The following KIAA1217 variants were observed in gnomAD, a reference collection of about 807,000 sequenced individuals.
KIAA1217 encodes the protein sickle tail protein homolog.
KIAA1217 carries 88 observed loss-of-function variants against 163.9 expected under a neutral mutation model. That is an observed-to-expected ratio of 0.54 (90% CI 0.45 to 0.64). The LOEUF (loss-of-function observed/expected upper bound fraction) is 0.64. KIAA1217 is among the 30% of genes least tolerant of loss of function. The pLI is 0.00. For synonymous variants in KIAA1217, 903 were observed against 923.1 expected, an observed-to-expected ratio of 0.98 and a Z score of 0.39; for missense variants, 2,372 against 2,475.0, an observed-to-expected ratio of 0.96 and a Z score of 0.88.
chr10:23,884,748 G>C (rs903942902), intron 1 of KIAA1217, among the ~76,000 whole-genome samples: 1 of 151,946 alleles, frequency 6.6e-6, no homozygotes. Flanking sequence ...ACACGTGGTA[G>C]AATTAGAGGA....
chr10:24,499,734 A>T (rs1170266379), intron 8 of KIAA1217, among the ~76,000 whole-genome samples: 1 of 151,966 alleles, frequency 6.6e-6, no homozygotes, highest in African/African-American at 2.4e-5. Flanking sequence ...ACTCTGTCTC[A>T]AAAAAAAGAA....
chr10:23,868,486 T>G (rs576038049), intron 1 of KIAA1217, among the ~76,000 whole-genome samples: 97 of 151,324 alleles, frequency 6.4e-4, no homozygotes, highest in African/African-American at 2.3e-3. Context: ...TATGGAGATG[T>G]TTTTTTTTGT....
intron 2 of KIAA1217, among the ~76,000 whole-genome samples, chr10:24,039,807 GATAT>G (rs1193759130): frequency 4.4e-5 from 2 of 45,830 alleles, no homozygotes; most frequent in Non-Finnish European, 1.7e-4. Flanking sequence ...GATAGATATA[GATAT>G]AGATATAGAT....
intron 2 of KIAA1217, among the ~76,000 whole-genome samples, chr10:24,113,684 G>A (rs1490143950): frequency 5.3e-5 from 8 of 152,166 alleles, no homozygotes. Context: ...CCGGGAAGAC[G>A]AGGACCAGGA....
At chr10:24,310,296 A>G (rs1053496204) in intron 2 of KIAA1217, among the ~76,000 whole-genome samples, 2 of 152,212 alleles carry the variant, frequency 1.3e-5, no homozygotes, top group Non-Finnish European at 2.9e-5. Flanking sequence ...TCATCTTCAC[A>G]ACAACTCGAT....
intron 2 of KIAA1217, among the ~76,000 whole-genome samples, chr10:24,132,078 G>T (rs1449331645): frequency 1.3e-5 from 2 of 152,096 alleles, no homozygotes; most frequent in East Asian, 3.9e-4. Context: ...TTGCTATTTT[G>T]AGGGCCCCCA....
intron 2 of KIAA1217, among the ~76,000 whole-genome samples, chr10:24,250,829 C>T (rs548118933): frequency 1.3e-5 from 2 of 150,648 alleles, no homozygotes; most frequent in East Asian, 4.0e-4. Flanking sequence ...GTGGCTCACA[C>T]CTGTAATCCC....
intron 1 of KIAA1217, among the ~76,000 whole-genome samples, chr10:23,999,910 A>T (rs1846662987): frequency 6.6e-6 from 1 of 152,070 alleles, no homozygotes; most frequent in South Asian, 2.1e-4. Flanking sequence ...AAATTAAAAA[A>T]AATAATAATA....
chr10:24,010,302 C>A (rs1354356932), intron 2 of KIAA1217, among the ~76,000 whole-genome samples: 1 of 151,994 alleles, frequency 6.6e-6, no homozygotes, highest in African/African-American at 2.4e-5. Flanking sequence ...AACTGCATCA[C>A]AGAAATGCCA....
intron 2 of KIAA1217, among the ~76,000 whole-genome samples, chr10:24,150,583 G>A (rs1589686023): frequency 6.6e-6 from 1 of 152,174 alleles, no homozygotes; most frequent in South Asian, 2.1e-4. Context: ...CTGATAGAGT[G>A]TAAGTATTAG....
At chr10:23,828,855 A>G (rs2131033391) in intron 1 of KIAA1217, among the ~76,000 whole-genome samples, 1 of 152,296 alleles carries the variant, frequency 6.6e-6, no homozygotes, top group South Asian at 2.1e-4. Flanking sequence ...GCTTTTTCTT[A>G]AACTGGTGGA....
Position 23,905,164 on chromosome 10 carries a change from TAA to T in KIAA1217, c.-320-102059_-320-102058del, listed in dbSNP as rs1842106896. 2.9e-5 allele frequency among the ~76,000 whole-genome samples: 3 copies of T among 103,788 alleles called. No individual in the cohort carries two copies. In the South Asian group the frequency reaches 1.2e-3, roughly 41 times the overall value. The allele number at this position is 103,788 out of a possible 152,430, so 68.1% of individuals were successfully genotyped here. Reference sequence around the variant, plus strand: ...CAGTATGTAGCCTGTCATCTGAAACTAAAGTCACAGAAGGGGCTGCTTTTTTT... The same window carrying T: ...CAGTATGTAGCCTGTCATCTGAAACTAGTCACAGAAGGGGCTGCTTTTTTT... On this transcript the variant is annotated intron_variant, in intron 1 of 18. Transcript: ENST00000376462.
intron 1 of KIAA1217, among the ~76,000 whole-genome samples, chr10:23,924,751 T>C (rs1030313863): frequency 1.2e-4 from 19 of 152,186 alleles, no homozygotes; most frequent in Admixed American, 7.9e-4. Flanking sequence ...ATGATTCAAT[T>C]GCACCTCAGT....
chr10:23,851,654 C>G (rs1208275631), intron 1 of KIAA1217, among the ~76,000 whole-genome samples: 1 of 152,184 alleles, frequency 6.6e-6, no homozygotes, highest in Non-Finnish European at 1.5e-5. Context: ...TCCTATTTCT[C>G]CACATCCTCT....
In KIAA1217 at chr10:23,947,354, T is replaced by C. The variant is rs562315932; in HGVS notation, c.-320-59871T>C. On this transcript the variant is annotated intron_variant, in intron 1 of 18. Transcript: ENST00000376462. ...GTTTAGCTGGCCAAAACCACGATTA[T>C]GACTTTCAGCAGTAAGTATTGATCT... Among the ~76,000 whole-genome samples, 8 of 152,352 alleles carry C rather than the reference T, an allele frequency of 5.3e-5. No homozygotes were observed. In the South Asian group the frequency reaches 1.7e-3, roughly 32 times the overall value.
chr10:24,380,056 AAAAAT>A (rs2053083265), intron 2 of KIAA1217, among the ~76,000 whole-genome samples: 2 of 152,142 alleles, frequency 1.3e-5, no homozygotes, highest in East Asian at 1.9e-4. Flanking sequence ...CCATCTCAGA[AAAAAT>A]AAAATAAAAT....
chr10:24,500,488 T>C (rs2067433006), intron 8 of KIAA1217, among the ~76,000 whole-genome samples: 1 of 152,104 alleles, frequency 6.6e-6, no homozygotes, highest in African/African-American at 2.4e-5. Flanking sequence ...CATTGTCCTT[T>C]TTAGAGTCCC....
rs563616170 is a variant in KIAA1217, at chr10:24,171,828, A to G, written c.-170-47798A>G. Among the ~76,000 whole-genome samples the G allele has an allele frequency of 1.1e-4, 16 of 152,324 alleles. No homozygotes were observed. In the East Asian group the frequency reaches 1.3e-3, roughly 13 times the overall value. On this transcript the variant is annotated intron_variant, in intron 2 of 18. Transcript: ENST00000376462. ...TAAATAAACAAATAAATAAATGAAT[A>G]AATAAATAAAAATAATGATGATCAA...
chr10:23,941,070 A>G (rs1843744888), intron 1 of KIAA1217, among the ~76,000 whole-genome samples: 1 of 152,218 alleles, frequency 6.6e-6, no homozygotes, highest in Non-Finnish European at 1.5e-5. Context: ...CAGCCCTGCT[A>G]GAGGTAAAGC....
Sources: allele counts gnomAD v4.1 joint callset (sites outside exome capture counted in the v4.1 genomes callset), GRCh38; gene constraint gnomAD v4.1.1; transcripts MANE v1.5; gene names NCBI Gene and HGNC (gene_info 2026-07-23, HGNC 2026-07-21).